The following ITIH5 variants were observed in gnomAD, a reference collection of about 807,000 sequenced individuals.
ITIH5 encodes inter-alpha-trypsin inhibitor heavy chain H5.
Under a neutral mutation model 77.5 loss-of-function variants are expected in ITIH5, and 65 were observed. That is an observed-to-expected ratio of 0.84 (90% CI 0.69 to 1.03). The LOEUF is 1.03. Among genes scored for constraint, ITIH5 ranks in the 50% least tolerant of loss-of-function variants. The pLI is 0.00. For missense variants in ITIH5, 1,208 were observed against 1,213.1 expected, an observed-to-expected ratio of 1.00 and a Z score of 0.06; for synonymous variants, 525 against 494.3, an observed-to-expected ratio of 1.06 and a Z score of -0.82.
rs1384677704 is a variant in ITIH5, at chr10:7,633,320, G to C, written c.652+3908C>G. Among the ~76,000 whole-genome samples the C allele has an allele frequency of 2.6e-5, 4 of 152,196 alleles. No homozygotes were observed. In the East Asian group the frequency reaches 7.7e-4, roughly 29 times the overall value. ...CTTCCAAAATACGTCTCACAGGATT[G>C]CCTTTTACACTGGGAAAGATCCCAT... On this transcript the variant is annotated intron_variant, in intron 5 of 13. Coordinates refer to ENST00000397146, the MANE Select transcript of ITIH5 (RefSeq NM_030569.7).
chr10:7,619,062 T>C (rs893481049), intron 5 of ITIH5: 5 of 152,052 alleles, frequency 3.3e-5, no homozygotes, highest in South Asian at 2.1e-4. Context: ...TCTGAAGGAG[T>C]TGGGAAAATC....
At chr10:7,614,646 T>A (rs1419851442) in intron 7 of ITIH5, among the ~76,000 whole-genome samples, 2 of 152,112 alleles carry the variant, frequency 1.3e-5, no homozygotes, top group East Asian at 1.9e-4. Flanking sequence ...TTGAAATATG[T>A]TTTTGCTCTA....
intron 7 of ITIH5, among the ~76,000 whole-genome samples, chr10:7,606,875 T>G (rs1330959030): frequency 6.6e-6 from 1 of 152,234 alleles, no homozygotes; most frequent in East Asian, 1.9e-4. Context: ...TTATCTGTAT[T>G]ATCATTGTTG....
Position 7,573,125 on chromosome 10 carries a change from C to T in ITIH5, c.2032+17G>A, listed in dbSNP as rs758912968. 54 of 1,610,116 alleles carry T rather than the reference C, an allele frequency of 3.4e-5. No homozygotes were observed. Among genetic ancestry groups the T allele is most frequent in the Middle Eastern group, 1.6e-4 (1 of 6,076 alleles). ...CTCTTACTCTCAATCCACACACAACCGCATCCTTTGCTTTACCTGATGTTT... is the reference window on the plus strand; with the variant it reads ...CTCTTACTCTCAATCCACACACAACTGCATCCTTTGCTTTACCTGATGTTT... On this transcript the variant is annotated intron_variant, in intron 11 of 13. Transcript: ENST00000397146.
intron 2 of ITIH5, among the ~76,000 whole-genome samples, chr10:7,644,057 A>G (rs59082088): frequency 0.29 from 43,358 of 151,902 alleles, 6,779 homozygotes; most frequent in African/African-American, 0.41. Context: ...TCTGGCCAAC[A>G]TGGTGAAACC....
At chr10:7,652,883 G>A (rs1834123279) in intron 2 of ITIH5, among the ~76,000 whole-genome samples, 1 of 151,868 alleles carries the variant, frequency 6.6e-6, no homozygotes, top group Admixed American at 6.6e-5. Flanking sequence ...TAGAAAGATG[G>A]GCAAAGGACC....
intron 5 of ITIH5, among the ~76,000 whole-genome samples, chr10:7,628,252 C>G (rs1375750582): frequency 6.6e-6 from 1 of 152,236 alleles, no homozygotes; most frequent in Non-Finnish European, 1.5e-5. Flanking sequence ...CAAGGAAACT[C>G]TGTAACCATC....
At position 7,617,233 on chromosome 10, in the gene ITIH5, A is replaced by C; in HGVS notation, c.702T>G (p.Phe234Leu). The change falls in exon 6 of 14, where the codon TTT becomes TTG. Residue 234 changes from phenylalanine (F) to leucine (L), a missense_variant. By Grantham distance (22) the Phe-to-Leu change is conservative. Coordinates refer to ENST00000397146, the MANE Select transcript of ITIH5 (RefSeq NM_030569.7). ...PSTVINQNET[F>L]ANIIFKPTVV... is the part of the protein sequence containing the mutation. ...CAGTAGGTTTAAAAATTATGTTGGC[A>C]AATGTTTCATTTTGGTTAATGACAG... 1 of 1,600,526 alleles carries C rather than the reference A, an allele frequency of 6.2e-7. No individual in the cohort carries two copies. The highest frequency in any genetic ancestry group is 8.5e-7 in the Non-Finnish European group (1 of 1,174,332).
At chr10:7,661,823 C>T (rs1045440897) in intron 1 of ITIH5, among the ~76,000 whole-genome samples, 2 of 152,202 alleles carry the variant, frequency 1.3e-5, no homozygotes, top group Non-Finnish European at 2.9e-5. Context: ...ACCTCAGCCT[C>T]CCAAGTACCT....
At chr10:7,621,986 C>T (rs1265266902) in intron 5 of ITIH5, 1 of 152,232 alleles carries the variant, frequency 6.6e-6, no homozygotes, top group African/African-American at 2.4e-5. Flanking sequence ...TTCTCTCCTT[C>T]TTGCCCACTT....
In ITIH5 at chr10:7,563,386, TG is replaced by T; in HGVS notation, c.2528-3del. 3 of 1,608,770 alleles carry T rather than the reference TG, an allele frequency of 1.9e-6. No individual in the cohort carries two copies. The highest frequency in any genetic ancestry group is 2.6e-6 in the Non-Finnish European group (3 of 1,175,902). ...TGGCATCCTGATTCAGGAACTGACC[TG>T]GGAGGACAAGGAAAAGCATCGGGTC... On this transcript the variant is annotated splice_polypyrimidine_tract_variant and splice_region_variant and intron_variant, in intron 13 of 13. Coordinates refer to ENST00000397146, the MANE Select transcript of ITIH5 (RefSeq NM_030569.7).
At chr10:7,590,689 C>T (rs1007832200) in intron 7 of ITIH5, among the ~76,000 whole-genome samples, 1 of 152,238 alleles carries the variant, frequency 6.6e-6, no homozygotes, top group Admixed American at 6.5e-5. Flanking sequence ...ATCTGAGCAG[C>T]GCTGCTGGGA....
rs137874246 is a variant in ITIH5, at chr10:7,563,183, T to C, written c.2729A>G (p.Asn910Ser). Reference sequence around the variant, plus strand: ...CTCCCCGTCAATCAGTTTGGCGGCATTGTTCCTGGCAAACCAGCAGTCTAT... The same window carrying C: ...CTCCCCGTCAATCAGTTTGGCGGCACTGTTCCTGGCAAACCAGCAGTCTAT... The part of the protein sequence containing the change: ...EQIDCWFARN[N>S]AAKLIDGEYK... The change falls in exon 14 of 14, where the codon AAT (asparagine) becomes AGT (serine). Residue 910 changes from asparagine to serine, a missense_variant. Physicochemically the swap from Asn to Ser is conservative, Grantham distance 46. Coordinates refer to ENST00000397146, the MANE Select transcript of ITIH5 (RefSeq NM_030569.7). The C allele has an allele frequency of 2.7e-3, 4,301 of 1,614,198 alleles. 133 individuals are homozygous for C. In the Admixed American group the frequency reaches 0.062, roughly 23 times the overall value.
Position 7,640,756 on chromosome 10 carries a change from A to G in ITIH5, c.399T>C (p.Asn133=). ...TTCCTTAATTAACCAATACTTACCC[A>G]TTTTCTTCTGTGGTTTTATTCCTTT... ...KEKRNKTTEE[N]GEKGTEIFRA... The change falls in exon 4 of 14, where the codon AAT becomes AAC. Residue 133 remains asparagine, a splice_region_variant and synonymous_variant. Transcript: ENST00000397146. The G allele has an allele frequency of 6.2e-7, 1 of 1,604,702 alleles. No individual in the cohort carries two copies. The highest frequency in any genetic ancestry group is 8.5e-7 in the Non-Finnish European group (1 of 1,171,804).
At chr10:7,570,091 A>ACCACC in intron 11 of ITIH5, 1 of 204,790 alleles carries the variant, frequency 4.9e-6, no homozygotes, top group Admixed American at 5.7e-5. Flanking sequence ...AGAAGGAAAG[A>ACCACC]GAGATCCCCA....
chr10:7,645,088 A>G (rs1833990750), intron 2 of ITIH5, among the ~76,000 whole-genome samples: 2 of 151,816 alleles, frequency 1.3e-5, no homozygotes, highest in African/African-American at 2.4e-5. Flanking sequence ...TGTCAGGGCC[A>G]TTCATCTTTG....
At chr10:7,615,092 CA>C in intron 7 of ITIH5, among the ~76,000 whole-genome samples, 1 of 152,106 alleles carries the variant, frequency 6.6e-6, no homozygotes, top group Admixed American at 6.5e-5. Context: ...ACTAAAAATA[CA>C]AAAATTAGCC....
At chr10:7,658,808 C>T (rs1337566239) in intron 1 of ITIH5, among the ~76,000 whole-genome samples, 2 of 152,204 alleles carry the variant, frequency 1.3e-5, no homozygotes, top group East Asian at 1.9e-4. Flanking sequence ...ATGAAGCCCC[C>T]AGGTAGCAGG....
chr10:7,584,405 G>C (rs1274303061), intron 8 of ITIH5, among the ~76,000 whole-genome samples: 2 of 150,886 alleles, frequency 1.3e-5, no homozygotes, highest in Non-Finnish European at 2.9e-5. Flanking sequence ...CCAGGTTCAA[G>C]CAATTCTCCT....
Sources: allele counts gnomAD v4.1 joint callset (sites outside exome capture counted in the v4.1 genomes callset), GRCh38; gene constraint gnomAD v4.1.1; transcripts MANE v1.5; gene names NCBI Gene and HGNC (gene_info 2026-07-23, HGNC 2026-07-21).